PKHD1L1: variants seen among roughly 807,000 people sequenced by gnomAD.
The protein encoded by PKHD1L1 is fibrocystin-L.
Under a neutral mutation model 462.9 loss-of-function variants are expected in PKHD1L1, and 434 were observed. That is an observed-to-expected ratio of 0.94 (90% confidence interval 0.87 to 1.02). The LOEUF (loss-of-function observed/expected upper bound fraction) is 1.02. PKHD1L1 is among the 50% of genes least tolerant of loss of function. The probability of loss-of-function intolerance (pLI) is 0.00; values close to 1 mark genes in which losing one functional copy is unlikely to be tolerated. For missense variants in PKHD1L1, 5,202 were observed against 5,096.1 expected, an observed-to-expected ratio of 1.02 and a Z score of -0.63; for synonymous variants, 1,781 against 1,750.0, an observed-to-expected ratio of 1.02 and a Z score of -0.44.
rs1306190582 is a variant in PKHD1L1 at position 109,441,396 on chromosome 8, T to A, written c.4204+17T>A. ...AAGATTCAGGTATCAGCCATTTATATACTATGAAATAATGGAAGCACTGAA... is the reference window on the plus strand; with the variant it reads ...AAGATTCAGGTATCAGCCATTTATAAACTATGAAATAATGGAAGCACTGAA... On this transcript the variant is annotated intron_variant, in intron 34 of 77. Transcript: ENST00000378402. 2 of 1,375,366 alleles carry A rather than the reference T, an allele frequency of 1.5e-6. No homozygotes were observed. Among genetic ancestry groups the A allele is most frequent in the Non-Finnish European group, 2.0e-6 (2 of 991,498 alleles). The allele number at this position is 1,375,366 out of a possible 1,614,324, so 85.2% of individuals were successfully genotyped here. A position where few individuals can be genotyped will look rare whatever the true frequency, so the allele number is the denominator to read the frequency against.
At chr8:109,458,189 C>T (rs537063523) in intron 46 of PKHD1L1, among the ~76,000 whole-genome samples, 49 of 152,164 alleles carry the variant, frequency 3.2e-4, no homozygotes, top group African/African-American at 1.2e-3. Flanking sequence ...TTTTCTTCTT[C>T]ACAAATCTTT....
At chr8:109,510,995 T>A in intron 71 of PKHD1L1, 61 bp downstream of exon 71, 1 of 1,547,840 alleles carries the variant, frequency 6.5e-7, no homozygotes, top group Non-Finnish European at 8.8e-7. Context: ...TTCTATCTGC[T>A]AAGGCTTGTA....
At chr8:109,508,336 A>C in intron 70 of PKHD1L1, 72 bp downstream of exon 70, 8 of 1,436,336 alleles carry the variant, frequency 5.6e-6, no homozygotes, top group Non-Finnish European at 7.6e-6. Context: ...AAGCCATCTC[A>C]TAAATTATTT....
At position 109,445,660 on chromosome 8, in the gene PKHD1L1, G is replaced by T. The variant is rs192532524; in HGVS notation, c.5776+15G>T. 3 of 1,570,116 alleles carry T rather than the reference G, an allele frequency of 1.9e-6. No individual in the cohort carries two copies. Among genetic ancestry groups the T allele is most frequent in the East Asian group, 4.5e-5 (2 of 44,474 alleles). Reference sequence around the variant, plus strand: ...CCCAAGCAGAGGTACTCCAATATCTGCCTTATTATCTTGATATTATAGTAT... The same window carrying T: ...CCCAAGCAGAGGTACTCCAATATCTTCCTTATTATCTTGATATTATAGTAT... On this transcript the variant is annotated intron_variant, in intron 38 of 77. Transcript: ENST00000378402.
intron 19 of PKHD1L1, among the ~76,000 whole-genome samples, chr8:109,411,970 A>G (rs907189584): frequency 2.0e-5 from 3 of 152,162 alleles, no homozygotes; most frequent in Non-Finnish European, 2.9e-5. Context: ...AACCTGACAC[A>G]CAGTAAACAC....
chr8:109,504,561 A>T, intron 68 of PKHD1L1, 69 bp downstream of exon 68: 1 of 999,280 alleles, frequency 1.0e-6, no homozygotes, highest in Admixed American at 4.0e-5. Flanking sequence ...CCTGCTCAAG[A>T]TCTGAGAAAG....
At chr8:109,432,788 T>C (rs774514685) in intron 27 of PKHD1L1, among the ~76,000 whole-genome samples, 2 of 152,228 alleles carry the variant, frequency 1.3e-5, no homozygotes, top group Non-Finnish European at 1.5e-5. Context: ...CATATAGAGA[T>C]GTCTACTTAA....
chr8:109,374,075 G>T (rs368724499), intron 2 of PKHD1L1, among the ~76,000 whole-genome samples: 1 of 152,050 alleles, frequency 6.6e-6, no homozygotes, highest in Non-Finnish European at 1.5e-5. Context: ...TTTCTGTCTC[G>T]TTGATCTGTC....
chr8:109,384,879 T>A (rs1812354394), intron 5 of PKHD1L1, among the ~76,000 whole-genome samples: 1 of 152,102 alleles, frequency 6.6e-6, no homozygotes, highest in Non-Finnish European at 1.5e-5. Context: ...TTGGCTTAAT[T>A]TAAAGTTATT....
At position 109,438,978 on chromosome 8, in the gene PKHD1L1, C is replaced by T. The variant is rs975258750; in HGVS notation, c.3842C>T (p.Thr1281Ile). ...QNMAVYVGGK[T>I]CQILHWNFTD... ...ATGGCGGTGTATGTTGGAGGAAAAA[C>T]CTGCCAGATTCTTCACTGGAACTTC... The change falls in exon 32 of 78, where the codon ACC becomes ATC. Residue 1281 changes from threonine (T) to isoleucine (I), a missense_variant. By Grantham distance (89) the Thr-to-Ile change is moderately conservative. Around this residue, in one of 3 missense-constraint regions of PKHD1L1, gnomAD observed 4,497 missense variants for 4,336.8 expected, o/e 1.04. Transcript: ENST00000378402. 2.1e-5 allele frequency: 34 copies of T among 1,613,516 alleles called. No homozygotes were observed. The highest frequency in any genetic ancestry group is 2.9e-5 in the Non-Finnish European group (34 of 1,179,624).
rs1392075106 is a variant in PKHD1L1 at position 109,445,024 on chromosome 8, C to T, written c.5155C>T (p.Gln1719Ter). The T allele has an allele frequency of 3.0e-5, 49 of 1,613,782 alleles. No individual in the cohort carries two copies. Among genetic ancestry groups the T allele is most frequent in the Non-Finnish European group, 4.2e-5 (49 of 1,179,872 alleles). Residue 1719 changes from glutamine to a stop codon, truncating the protein, a stop_gained, in exon 38 of 78, where the codon CAA becomes TAA. Coordinates refer to ENST00000378402, the MANE Select transcript of PKHD1L1 (RefSeq NM_177531.6). LOFTEE classifies it high-confidence loss of function. ...AIECETSPAAQQLVDVDLLIH... is the reference protein window; with the variant it reads ...AIECETSPAA ...TGAATGTGAAACATCCCCTGCTGCC[C>T]AACAGCTTGTGGATGTAGATCTTCT...
At chr8:109,461,735 CAA>C (rs1491343724) in intron 47 of PKHD1L1, 35 bp from the exon 48 acceptor site, 199 of 1,529,606 alleles carry the variant, frequency 1.3e-4, no homozygotes, top group South Asian at 1.7e-4. Flanking sequence ...AGGATTCCGA[CAA>C]TTTTTTTAAT....
intron 2 of PKHD1L1, among the ~76,000 whole-genome samples, chr8:109,369,800 T>C (rs1446727295): frequency 1.3e-5 from 2 of 152,164 alleles, no homozygotes; most frequent in Non-Finnish European, 2.9e-5. Flanking sequence ...TGCTTTGCAG[T>C]GTTTTCATGT....
At position 109,408,285 on chromosome 8, in the gene PKHD1L1, G is replaced by C. The variant is rs1330337047; in HGVS notation, c.1971+79G>C. On this transcript the variant is annotated intron_variant, in intron 18 of 77. Coordinates refer to ENST00000378402, the MANE Select transcript of PKHD1L1 (RefSeq NM_177531.6). ...TTCATGGGCCATTTGTAGACAGATGGGAAAGAGATGTTACTTCAAAAAAAA... is the reference window on the plus strand; with the variant it reads ...TTCATGGGCCATTTGTAGACAGATGCGAAAGAGATGTTACTTCAAAAAAAA... The C allele has an allele frequency of 1.1e-5, 14 of 1,289,342 alleles. No individual in the cohort carries two copies. In the South Asian group the frequency reaches 2.7e-4, roughly 25 times the overall value. 79.9% of individuals were successfully genotyped at this position (1,289,342 alleles called of 1,614,324 possible).
At chr8:109,439,963 A>C (rs1226220320) in intron 32 of PKHD1L1, among the ~76,000 whole-genome samples, 1 of 152,090 alleles carries the variant, frequency 6.6e-6, no homozygotes, top group Non-Finnish European at 1.5e-5. Flanking sequence ...CATGGATTCT[A>C]TATTGGCTTA....
chr8:109,417,176 T>G (rs1028564996), intron 21 of PKHD1L1, among the ~76,000 whole-genome samples: 1 of 152,118 alleles, frequency 6.6e-6, no homozygotes, highest in Non-Finnish European at 1.5e-5. Flanking sequence ...AATTTAATAG[T>G]ACATTTAAAA....
At chr8:109,428,507 G>A (rs1814902385) in intron 25 of PKHD1L1, among the ~76,000 whole-genome samples, 1 of 152,122 alleles carries the variant, frequency 6.6e-6, no homozygotes, top group Admixed American at 6.5e-5. Flanking sequence ...TAGAAAACAA[G>A]TCTGTATGGT....
At position 109,454,310 on chromosome 8, in the gene PKHD1L1, A is replaced by G. The variant is rs114653139; in HGVS notation, c.6744+64A>G. 2,187 of 1,061,398 alleles carry G rather than the reference A, an allele frequency of 2.1e-3. 29 individuals carry two copies. The African/African-American group carries it at 0.031, about 15-fold the overall frequency. 65.7% of individuals were successfully genotyped at this position (1,061,398 alleles called of 1,614,324 possible). A position where few individuals can be genotyped will look rare whatever the true frequency, so the allele number is the denominator to read the frequency against. ...GTCTCCATTCATTTTTTTAAATACT[A>G]TGTGTAAAATGGATAGTTAATTATA... On this transcript the variant is annotated intron_variant, in intron 44 of 77. Transcript: ENST00000378402.
intron 13 of PKHD1L1, among the ~76,000 whole-genome samples, chr8:109,400,930 T>C (rs1813239880): frequency 6.6e-6 from 1 of 151,610 alleles, no homozygotes; most frequent in African/African-American, 2.4e-5. Flanking sequence ...ACTCAACTTA[T>C]GTGGCAAGAT....
Sources: allele counts gnomAD v4.1 joint callset (sites outside exome capture counted in the v4.1 genomes callset), GRCh38; gene constraint gnomAD v4.1.1; regional missense constraint gnomAD v4.1.1; transcripts MANE v1.5; gene names NCBI Gene and HGNC (gene_info 2026-07-23, HGNC 2026-07-21).